The following NRG3 variants were observed in gnomAD, a reference collection of about 807,000 sequenced individuals.
The protein encoded by NRG3 is pro-neuregulin-3, membrane-bound isoform.
In NRG3, 31 loss-of-function variants were observed where a neutral mutation model predicts 66.9. The observed-to-expected ratio is 0.46, with a 90% CI of 0.35 to 0.63. The LOEUF (loss-of-function observed/expected upper bound fraction) is 0.63, where lower values mean the gene tolerates loss of function less well. Ranked by LOEUF, NRG3 falls within the 20% of genes least tolerant of loss-of-function variation. The pLI, the probability that NRG3 is intolerant of heterozygous loss-of-function variation, is 0.00. For missense variants in NRG3, 910 were observed against 878.9 expected (o/e 1.04, Z -0.45); for synonymous variants, 393 against 359.4 (o/e 1.09, Z -1.06).
intron 1 of NRG3, among the ~76,000 whole-genome samples, chr10:82,012,787 G>A (rs2061634588): frequency 6.6e-6 from 1 of 152,166 alleles, no homozygotes; most frequent in Non-Finnish European, 1.5e-5. Context: ...AGCATAAAAA[G>A]AGTCACCTTT....
intron 1 of NRG3, among the ~76,000 whole-genome samples, chr10:81,903,369 GTCATGTATGAGGTTTT>G (rs1471130146): frequency 1.3e-5 from 2 of 152,130 alleles, no homozygotes; most frequent in Non-Finnish European, 2.9e-5. Flanking sequence ...TTAGGCACAA[GTCATGTATGAGGTTTT>G]TCTCTACTCT....
At chr10:82,488,529 G>A (rs989866832) in intron 2 of NRG3, among the ~76,000 whole-genome samples, 4 of 152,200 alleles carry the variant, frequency 2.6e-5, no homozygotes, top group Admixed American at 6.5e-5. Flanking sequence ...TGCAAAGTAT[G>A]CTAAGTACAA....
intron 2 of NRG3, among the ~76,000 whole-genome samples, chr10:82,479,664 CAAA>C (rs35572219): frequency 7.0e-3 from 416 of 59,384 alleles, no homozygotes; most frequent in African/African-American, 0.028. Flanking sequence ...AACTCTGTCT[CAAA>C]AAAAAAAAAA....
intron 2 of NRG3, among the ~76,000 whole-genome samples, chr10:82,674,885 G>T (rs1461068026): frequency 6.6e-6 from 1 of 151,896 alleles, no homozygotes; most frequent in Non-Finnish European, 1.5e-5. Context: ...ACACCATGGG[G>T]GAGAGGGAAT....
chr10:82,976,123 T>C (rs545855515), intron 7 of NRG3, among the ~76,000 whole-genome samples: 12 of 152,270 alleles, frequency 7.9e-5, no homozygotes, highest in Admixed American at 4.6e-4. Context: ...TGGTGTGATC[T>C]TGGCTCACTG....
intron 3 of NRG3, among the ~76,000 whole-genome samples, chr10:82,831,675 G>A (rs1275671470): frequency 1.3e-5 from 2 of 152,120 alleles, no homozygotes; most frequent in East Asian, 1.9e-4. Flanking sequence ...TTAGCTTGGT[G>A]TGGTGGCAGG....
intron 5 of NRG3, among the ~76,000 whole-genome samples, chr10:82,958,681 A>G (rs371904715): frequency 5.3e-5 from 8 of 152,096 alleles, no homozygotes; most frequent in East Asian, 3.9e-4. Context: ...TCTTGCATCT[A>G]TGGGGGCCAG....
intron 2 of NRG3, among the ~76,000 whole-genome samples, chr10:82,517,690 TG>T (rs1845817743): frequency 6.6e-6 from 1 of 151,346 alleles, no homozygotes; most frequent in African/African-American, 2.4e-5. Flanking sequence ...TGTGTGTGTG[TG>T]TGTGTCTGTA....
intron 1 of NRG3, among the ~76,000 whole-genome samples, chr10:82,356,981 G>A (rs891764725): frequency 3.3e-5 from 5 of 152,122 alleles, no homozygotes; most frequent in African/African-American, 1.2e-4. Flanking sequence ...GGACCTTACA[G>A]AAGAAAGGAA....
At position 81,875,729 on chromosome 10, in the gene NRG3, C is replaced by G. The variant is rs1841555669; in HGVS notation, c.389C>G (p.Thr130Ser). Residue 130 changes from threonine to serine, a missense_variant, in exon 1 of 9, where the codon ACT becomes AGT. Thr to Ser is a moderately conservative substitution (Grantham distance 58). Transcript: ENST00000372141. The surrounding 1 kb of genome is among the most constrained non-coding windows in gnomAD (Gnocchi z 5.3). ...CCCAAGGCCATGGAGACCACCACCACTACCACTTCCACCACGTCCCCCGCC... is the reference window on the plus strand; with the variant it reads ...CCCAAGGCCATGGAGACCACCACCAGTACCACTTCCACCACGTCCCCCGCC... ...SFPKAMETTT[T>S]TTSTTSPATP... is the part of the protein sequence containing the mutation. 15 of 1,613,442 alleles carry G rather than the reference C, an allele frequency of 9.3e-6. No individual in the cohort carries two copies. The highest frequency in any genetic ancestry group is 1.3e-5 in the Non-Finnish European group (15 of 1,179,922).
At chr10:82,466,693 G>A (rs962920483) in intron 2 of NRG3, among the ~76,000 whole-genome samples, 10 of 152,064 alleles carry the variant, frequency 6.6e-5, no homozygotes, top group Admixed American at 2.0e-4. Context: ...CAGCATTAAC[G>A]GTCAGGCCAG....
At chr10:81,961,622 G>T (rs1440649291) in intron 1 of NRG3, among the ~76,000 whole-genome samples, 1 of 152,184 alleles carries the variant, frequency 6.6e-6, no homozygotes, top group Non-Finnish European at 1.5e-5. Context: ...CCCATCCTGT[G>T]CAATGGCATT....
chr10:82,481,360 G>T (rs553048667), intron 2 of NRG3, among the ~76,000 whole-genome samples: 10 of 152,076 alleles, frequency 6.6e-5, no homozygotes, highest in African/African-American at 2.2e-4. Flanking sequence ...AAAGTGCAGC[G>T]TGTCTGATCC....
At chr10:82,121,636 GT>G (rs1214848414) in intron 1 of NRG3, among the ~76,000 whole-genome samples, 1 of 151,846 alleles carries the variant, frequency 6.6e-6, no homozygotes, top group Non-Finnish European at 1.5e-5. Context: ...TGACTTTTTG[GT>G]TTTATTTTAT....
intron 2 of NRG3, among the ~76,000 whole-genome samples, chr10:82,669,339 GT>G (rs1190365402): frequency 6.6e-6 from 1 of 151,432 alleles, no homozygotes; most frequent in Non-Finnish European, 1.5e-5. Flanking sequence ...ACTAGTCCCA[GT>G]ACTAAGGTGC....
intron 1 of NRG3, among the ~76,000 whole-genome samples, chr10:82,269,808 A>T (rs2078497156): frequency 6.6e-6 from 1 of 152,068 alleles, no homozygotes; most frequent in Non-Finnish European, 1.5e-5. Flanking sequence ...TTTCATTTCT[A>T]ACAAGGTCCC....
chr10:82,308,768 A>G (rs561796943), intron 1 of NRG3, among the ~76,000 whole-genome samples: 1 of 152,224 alleles, frequency 6.6e-6, no homozygotes, highest in South Asian at 2.1e-4. Context: ...CACATGTGCT[A>G]GGATTTTCTT....
intron 1 of NRG3, among the ~76,000 whole-genome samples, chr10:81,962,952 C>A (rs1290049311): frequency 6.6e-6 from 1 of 152,104 alleles, no homozygotes; most frequent in Non-Finnish European, 1.5e-5. Flanking sequence ...CTGCTTATAA[C>A]CGACACAACT....
At chr10:82,746,126 A>G (rs1188750897) in intron 3 of NRG3, among the ~76,000 whole-genome samples, 8 of 152,160 alleles carry the variant, frequency 5.3e-5, no homozygotes, top group Non-Finnish European at 1.5e-5. Context: ...TCCTGGCCTC[A>G]GGAGATCCTC....
Sources: allele counts gnomAD v4.1 joint callset (sites outside exome capture counted in the v4.1 genomes callset), GRCh38; gene constraint gnomAD v4.1.1; non-coding constraint Gnocchi (gnomAD v3.1); transcripts MANE v1.5; gene names NCBI Gene and HGNC (gene_info 2026-07-23, HGNC 2026-07-21).